Variants in SLC6A9 observed in about 807,000 individuals in gnomAD.
SLC6A9 encodes the protein sodium- and chloride-dependent glycine transporter 1.
Under a neutral mutation model 70.9 loss-of-function variants are expected in SLC6A9, and 31 were observed. That is an observed-to-expected ratio of 0.44 (90% CI 0.33 to 0.59). SLC6A9 has a LOEUF of 0.59. SLC6A9 is among the 20% of genes least tolerant of loss of function. SLC6A9 has a pLI of 0.04. For missense variants in SLC6A9, 631 were observed against 845.2 expected (o/e 0.75, Z 3.14); for synonymous variants, 310 against 341.3 (o/e 0.91, Z 1.01).
chr1:44,023,746 G>A (rs1363094826), intron 2 of SLC6A9, among the ~76,000 whole-genome samples: 1 of 152,084 alleles, frequency 6.6e-6, no homozygotes, highest in African/African-American at 2.4e-5. Context: ...TACCTCTCCT[G>A]TGCTCTAAGG....
intron 2 of SLC6A9, chr1:44,017,380 C>T (rs1275421896): frequency 1.8e-6 from 2 of 1,132,616 alleles, no homozygotes; most frequent in Non-Finnish European, 2.2e-6. Flanking sequence ...CACACACACA[C>T]ACACACACAC....
intron 12 of SLC6A9, among the ~76,000 whole-genome samples, chr1:43,998,940 C>G (rs1439042720): frequency 8.7e-6 from 1 of 115,230 alleles, no homozygotes; most frequent in Non-Finnish European, 1.7e-5. Context: ...GGCAGAAACA[C>G]AGGCAGTGGC....
At chr1:43,998,092 T>C in intron 12 of SLC6A9, 67 bp from the exon 13 acceptor site, 1 of 1,415,004 alleles carries the variant, frequency 7.1e-7, no homozygotes, top group Non-Finnish European at 9.6e-7. Flanking sequence ...GCCATCCCTC[T>C]ACCAGCACCC....
intron 5 of SLC6A9, among the ~76,000 whole-genome samples, chr1:44,007,543 C>G (rs2086361721): frequency 6.6e-6 from 1 of 152,200 alleles, no homozygotes. Flanking sequence ...TTGATCACGG[C>G]ACCCCCGGCT....
chr1:44,019,906 G>A (rs1204734759), intron 2 of SLC6A9, among the ~76,000 whole-genome samples: 3 of 151,832 alleles, frequency 2.0e-5, no homozygotes, highest in Admixed American at 1.3e-4. Context: ...CAGGGAGGCT[G>A]TGTGGGAGGC....
intron 3 of SLC6A9, 124 bp from the exon 4 acceptor site, chr1:44,010,220 G>C: frequency 9.8e-7 from 1 of 1,019,152 alleles, no homozygotes; most frequent in Middle Eastern, 2.2e-4. Flanking sequence ...AGTGTGCCAG[G>C]CTTGAGCAGG....
chr1:44,021,347 C>A (rs888468090), intron 2 of SLC6A9, among the ~76,000 whole-genome samples: 3 of 152,266 alleles, frequency 2.0e-5, no homozygotes, highest in East Asian at 1.9e-4. Context: ...GCTGGCCTGG[C>A]AGAGACCATC....
intron 2 of SLC6A9, among the ~76,000 whole-genome samples, chr1:44,017,607 G>C (rs2086795988): frequency 6.6e-6 from 1 of 152,226 alleles, no homozygotes; most frequent in South Asian, 2.1e-4. Context: ...GGCACCACCA[G>C]AGCAGCTCAG....
chr1:44,015,360 G>A (rs1360272447), intron 2 of SLC6A9, among the ~76,000 whole-genome samples: 1 of 152,134 alleles, frequency 6.6e-6, no homozygotes, highest in African/African-American at 2.4e-5. Flanking sequence ...TCCCCCTCCT[G>A]CTCTGGGTGG....
intron 12 of SLC6A9, among the ~76,000 whole-genome samples, chr1:44,000,419 C>T (rs2086046337): frequency 6.6e-6 from 1 of 152,252 alleles, no homozygotes; most frequent in South Asian, 2.1e-4. Context: ...CCTGGAACAC[C>T]CTCCCTGGAG....
intron 5 of SLC6A9, among the ~76,000 whole-genome samples, chr1:44,005,071 C>T (rs1045492894): frequency 7.2e-5 from 11 of 152,168 alleles, no homozygotes; most frequent in South Asian, 6.2e-4. Context: ...GTAGGTATCA[C>T]GACTGCCCAA....
chr1:44,019,918 G>A (rs933301367), intron 2 of SLC6A9, among the ~76,000 whole-genome samples: 9 of 151,992 alleles, frequency 5.9e-5, no homozygotes, highest in African/African-American at 1.5e-4. Flanking sequence ...GTGGGAGGCC[G>A]GGCTACAGGG....
chr1:44,011,839 G>A (rs2086583701), intron 2 of SLC6A9: 16 of 968,902 alleles, frequency 1.7e-5, no homozygotes, highest in Non-Finnish European at 2.5e-5. Flanking sequence ...ACAGCCCCTT[G>A]TGGAACCCCA....
At chr1:44,009,629 G>A (rs1042117533) in intron 4 of SLC6A9, among the ~76,000 whole-genome samples, 2 of 152,234 alleles carry the variant, frequency 1.3e-5, no homozygotes, top group Admixed American at 1.3e-4. Context: ...GTGAGCCACT[G>A]TGCCTGGCCC....
At chr1:44,003,250 C>T (rs1404733016) in intron 5 of SLC6A9, among the ~76,000 whole-genome samples, 1 of 152,254 alleles carries the variant, frequency 6.6e-6, no homozygotes, top group African/African-American at 2.4e-5. Context: ...ACACCCCAGG[C>T]TTGGGTGGTC....
chr1:44,000,492 C>G (rs994808363), intron 12 of SLC6A9, among the ~76,000 whole-genome samples: 1 of 152,196 alleles, frequency 6.6e-6, no homozygotes, highest in African/African-American at 2.4e-5. Context: ...CCTGAGTCCC[C>G]GGGGGTGCCA....
intron 3 of SLC6A9, chr1:44,010,462 G>GGGC (rs1305073178): frequency 8.7e-6 from 2 of 229,566 alleles, no homozygotes; most frequent in East Asian, 1.8e-4. Flanking sequence ...TGGGCGGGGG[G>GGGC]GGGGGGGGGT....
chr1:44,029,428 C>A (rs1028821601), intron 1 of SLC6A9, among the ~76,000 whole-genome samples: 12 of 152,204 alleles, frequency 7.9e-5, no homozygotes, highest in Non-Finnish European at 1.8e-4. Flanking sequence ...GTGAGACTAC[C>A]CAGCACTTGC....
rs2154303991 is a variant in SLC6A9 at position 43,997,676 on chromosome 1, C to T, written c.1771G>A (p.Gly591Arg). The change falls in exon 14 of 14, where the codon GGG becomes AGG. Residue 591 changes from glycine (G) to arginine (R), a missense_variant. By Grantham distance (125) the Gly-to-Arg change is moderately radical. Coordinates refer to ENST00000372310, the MANE Select transcript of SLC6A9 (RefSeq NM_001024845.3). This position sits in a 1 kb window ranked among gnomAD's most constrained non-coding sequence, Gnocchi z 4.4. Reference sequence around the variant, plus strand: ...GGGGCTATGGTGGGGGCGTAGCGCCCTGTCCGGTGCTCCAGGAGGGCAGGG... The same window carrying T: ...GGGGCTATGGTGGGGGCGTAGCGCCTTGTCCGGTGCTCCAGGAGGGCAGGG... ...WGPALLEHRT[G>R]RYAPTIAPSP... 6.2e-7 allele frequency: 1 copy of T among 1,612,488 alleles called. No homozygotes were observed. Among genetic ancestry groups the T allele is most frequent in the Non-Finnish European group, 8.5e-7 (1 of 1,179,552 alleles).
Sources: gnomAD v4.1 joint callset for allele counts (sites outside exome capture counted in the v4.1 genomes callset) on GRCh38, gnomAD v4.1.1 for gene constraint, Gnocchi (gnomAD v3.1) non-coding constraint, MANE v1.5 for transcripts, NCBI Gene and HGNC (gene_info 2026-07-23, HGNC 2026-07-21) for gene names.